Variants in GDPD4 observed in about 807,000 individuals in gnomAD.
The protein encoded by GDPD4 is glycerophosphodiester phosphodiesterase domain containing 4, also known as glycerophosphodiester phosphodiesterase 6.
In GDPD4, 60 loss-of-function variants were observed where a neutral mutation model predicts 67.8. The observed-to-expected ratio is 0.88, with a 90% CI of 0.72 to 1.10. The LOEUF (loss-of-function observed/expected upper bound fraction) is 1.10, where lower values mean the gene tolerates loss of function less well. Among genes scored for constraint, GDPD4 ranks in the 50% least tolerant of loss-of-function variants. GDPD4 has a pLI of 0.00. For missense variants in GDPD4, 623 were observed against 613.9 expected, an observed-to-expected ratio of 1.01 and a Z score of -0.16; for synonymous variants, 212 against 210.9, an observed-to-expected ratio of 1.00 and a Z score of -0.04.
intron 10 of GDPD4, among the ~76,000 whole-genome samples, chr11:77,263,210 G>A (rs114835861): frequency 0.018 from 2,736 of 152,194 alleles, 80 homozygotes; most frequent in African/African-American, 0.06. Context: ...TGATAAATAC[G>A]TGAGTAAATA....
chr11:77,286,680 G>A (rs996935084), intron 2 of GDPD4, among the ~76,000 whole-genome samples: 1 of 152,154 alleles, frequency 6.6e-6, no homozygotes, highest in African/African-American at 2.4e-5. Context: ...TCACCAAAGG[G>A]TTCCAACATA....
At chr11:77,236,309 A>G (rs1958567441) in intron 13 of GDPD4, among the ~76,000 whole-genome samples, 1 of 152,014 alleles carries the variant, frequency 6.6e-6, no homozygotes, top group South Asian at 2.1e-4. Flanking sequence ...CATTAGGTAT[A>G]TCTCCTAATG....
At chr11:77,241,247 C>T (rs984777492) in intron 13 of GDPD4, among the ~76,000 whole-genome samples, 1 of 152,132 alleles carries the variant, frequency 6.6e-6, no homozygotes, top group African/African-American at 2.4e-5. Flanking sequence ...ACTATTCAGC[C>T]TTTAAAAAGA....
chr11:77,292,661 C>A (rs773216385), intron 1 of GDPD4, among the ~76,000 whole-genome samples: 9 of 151,990 alleles, frequency 5.9e-5, no homozygotes, highest in Non-Finnish European at 8.8e-5. Context: ...AAAGTTGGTT[C>A]TTTGAGAAGA....
chr11:77,256,238 C>A (rs1959001713), intron 11 of GDPD4, among the ~76,000 whole-genome samples: 1 of 152,180 alleles, frequency 6.6e-6, no homozygotes, highest in Non-Finnish European at 1.5e-5. Context: ...ATAGGCTTTT[C>A]ATCTAGAACA....
chr11:77,267,389 C>T (rs760420180), intron 10 of GDPD4, among the ~76,000 whole-genome samples: 25 of 152,182 alleles, frequency 1.6e-4, no homozygotes, highest in Non-Finnish European at 1.6e-4. Flanking sequence ...AAGTAACTGC[C>T]AGACTTACTT....
At chr11:77,248,708 T>C (rs938320181) in intron 11 of GDPD4, among the ~76,000 whole-genome samples, 9 of 151,996 alleles carry the variant, frequency 5.9e-5, no homozygotes, top group South Asian at 2.1e-4. Context: ...ACTTTCCCTG[T>C]ACATTTATTT....
At chr11:77,284,999 G>A (rs1349876216) in intron 3 of GDPD4, 86 bp downstream of exon 3, 15 of 974,350 alleles carry the variant, frequency 1.5e-5, no homozygotes, top group Middle Eastern at 2.1e-4. Flanking sequence ...CTATATCACC[G>A]GATCTTTTCA....
intron 15 of GDPD4, 75 bp downstream of exon 15, chr11:77,229,073 ACT>A (rs1363928285): frequency 5.5e-5 from 37 of 673,140 alleles, no homozygotes; most frequent in Admixed American, 1.2e-4. Flanking sequence ...GAAGAGCGTA[ACT>A]CTTATTTTTC....
At chr11:77,260,457 G>T (rs1591555112) in intron 10 of GDPD4, among the ~76,000 whole-genome samples, 3 of 152,096 alleles carry the variant, frequency 2.0e-5, no homozygotes, top group Admixed American at 1.3e-4. Context: ...GCTAGAAAAT[G>T]ACCAACCTTA....
At chr11:77,265,071 C>G (rs1226683455) in intron 10 of GDPD4, among the ~76,000 whole-genome samples, 1 of 152,094 alleles carries the variant, frequency 6.6e-6, no homozygotes, top group Admixed American at 6.6e-5. Context: ...CACAATTTGT[C>G]TCTGCCCCCG....
At chr11:77,240,424 G>T (rs558758548) in intron 13 of GDPD4, among the ~76,000 whole-genome samples, 1 of 152,136 alleles carries the variant, frequency 6.6e-6, no homozygotes, top group Non-Finnish European at 1.5e-5. Flanking sequence ...TTGAGAAATT[G>T]GATAGCCACA....
At chr11:77,268,654 G>T in intron 9 of GDPD4, 115 bp from the exon 10 acceptor site, 1 of 855,190 alleles carries the variant, frequency 1.2e-6, no homozygotes, top group South Asian at 1.5e-5. Context: ...GGCTCCCTGA[G>T]ATCTCCTTTC....
Position 77,268,986 on chromosome 11 carries a change from T to C in GDPD4, c.562A>G (p.Ile188Val). 6.2e-7 allele frequency: 1 copy of C among 1,613,856 alleles called. No individual in the cohort carries two copies. The highest frequency in any genetic ancestry group is 8.5e-7 in the Non-Finnish European group (1 of 1,179,854). ...LMPLGIYSPC[I>V]QEKENLGPKP... ...GGCCCCAAATTCTCCTTCTCCTGAA[T>C]GCAGGGAGAATAAATCCCCAGTGGC... Residue 188 changes from isoleucine (I) to valine (V), a missense_variant, in exon 9 of 17, where the codon ATT (isoleucine) becomes GTT (valine). Physicochemically the swap from Ile to Val is conservative, Grantham distance 29 (BLOSUM62 3). Transcript: ENST00000315938.
intron 16 of GDPD4, 53 bp downstream of exon 16, chr11:77,227,811 G>C (rs1327064943): frequency 8.0e-6 from 11 of 1,376,382 alleles, no homozygotes; most frequent in Non-Finnish European, 1.1e-5. Flanking sequence ...CTGTCTCCTG[G>C]AAGCAATGGG....
intron 1 of GDPD4, among the ~76,000 whole-genome samples, chr11:77,288,667 A>G (rs532958769): frequency 2.0e-5 from 3 of 152,288 alleles, no homozygotes; most frequent in Non-Finnish European, 4.4e-5. Context: ...ATCTTCCCCT[A>G]TGAAAGCCAA....
chr11:77,221,794 C>G (rs559555060), intron 16 of GDPD4, among the ~76,000 whole-genome samples: 3,302 of 150,436 alleles, frequency 0.022, 134 homozygotes, highest in African/African-American at 0.077. Flanking sequence ...CCTTGTTAAC[C>G]TTCTGTCTCG....
chr11:77,225,792 G>C (rs1036877697), intron 16 of GDPD4, among the ~76,000 whole-genome samples: 1 of 152,108 alleles, frequency 6.6e-6, no homozygotes, highest in African/African-American at 2.4e-5. Context: ...AGGTGGCATG[G>C]GGCAACACAT....
chr11:77,228,933 G>C (rs575828526), intron 15 of GDPD4, among the ~76,000 whole-genome samples: 1 of 152,288 alleles, frequency 6.6e-6, no homozygotes, highest in East Asian at 1.9e-4. Flanking sequence ...GCTTGACTAA[G>C]CTTTAGTGAC....
Sources: allele counts gnomAD v4.1 joint callset (sites outside exome capture counted in the v4.1 genomes callset), GRCh38; gene constraint gnomAD v4.1.1; transcripts MANE v1.5; gene names NCBI Gene and HGNC (gene_info 2026-07-23, HGNC 2026-07-21).